Variants in ROCK1 observed in about 807,000 individuals in gnomAD.
The protein encoded by ROCK1 is rho-associated protein kinase 1.
In ROCK1, 36 loss-of-function variants were observed where a neutral mutation model predicts 196.8. The ratio of observed to expected loss-of-function variants is 0.18; its 90% CI spans 0.14 to 0.24. The LOEUF is 0.24. Among genes scored for constraint, ROCK1 ranks in the 10% least tolerant of loss-of-function variants. The pLI is 1.00. For synonymous variants in ROCK1, 443 were observed against 515.9 expected (o/e 0.86, Z 1.91); for missense variants, 920 against 1,562.0 (o/e 0.59, Z 6.93).
At chr18:21,049,984 A>C (rs1387846678) in intron 2 of ROCK1, 104 bp from the exon 3 acceptor site, 1 of 534,554 alleles carries the variant, frequency 1.9e-6, no homozygotes, top group African/African-American at 2.0e-5. Context: ...AAAACAACAA[A>C]CTTCATGAAG....
rs868384460 is a variant in ROCK1, at chr18:20,959,906, T to G, written c.3446A>C (p.Lys1149Thr). 6.2e-7 allele frequency: 1 copy of G among 1,608,440 alleles called. No individual in the cohort carries two copies. The highest frequency in any genetic ancestry group is 8.5e-7 in the Non-Finnish European group (1 of 1,175,742). Reference protein sequence around the residue: ...KKQYVVVSSKKILFYNDEQDK... With the variant: ...KKQYVVVSSKTILFYNDEQDK... ...TTGTTCGTCATTATAGAACAAAATTTTTTTGCTGCTTACCACAACATACTG... is the reference window on the plus strand; with the variant it reads ...TTGTTCGTCATTATAGAACAAAATTGTTTTGCTGCTTACCACAACATACTG... The change falls in exon 29 of 33, where the codon AAA becomes ACA. Residue 1149 changes from lysine (K) to threonine (T), a missense_variant. Transcript: ENST00000399799.
intron 16 of ROCK1, among the ~76,000 whole-genome samples, chr18:20,999,872 T>C (rs2035707757): frequency 6.6e-6 from 1 of 152,198 alleles, no homozygotes; most frequent in Admixed American, 6.5e-5. Flanking sequence ...GTGATCTGCC[T>C]ACCTTGGCTT....
At chr18:21,025,614 G>A (rs2035949060) in intron 10 of ROCK1, among the ~76,000 whole-genome samples, 1 of 152,156 alleles carries the variant, frequency 6.6e-6, no homozygotes, top group Non-Finnish European at 1.5e-5. Flanking sequence ...GTACGCACCT[G>A]TAATCCCAGC....
chr18:20,952,971 C>T (rs1384925661), intron 32 of ROCK1, among the ~76,000 whole-genome samples: 2 of 151,836 alleles, frequency 1.3e-5, no homozygotes, highest in Admixed American at 6.6e-5. Context: ...CAGGGCCTGT[C>T]GAGGGATGGG....
chr18:21,023,205 C>A (rs188551485), intron 11 of ROCK1, among the ~76,000 whole-genome samples: 57 of 152,106 alleles, frequency 3.7e-4, no homozygotes, highest in Non-Finnish European at 7.5e-4. Context: ...GTGCTTAATG[C>A]CACCGAACTG....
chr18:20,967,880 C>G lies in ROCK1; in HGVS notation c.3064G>C (p.Ala1022Pro), dbSNP rs1480981364. 2 of 1,596,562 alleles carry G rather than the reference C, an allele frequency of 1.3e-6. No individual in the cohort carries two copies. Among genetic ancestry groups the G allele is most frequent in the African/African-American group, 1.3e-5 (1 of 74,266 alleles). ...TTCTTTCTCAAATCTTGTGTATTAGCTTTCTTTCTATCAATTTTAAAATCT... is the reference window on the plus strand; with the variant it reads ...TTCTTTCTCAAATCTTGTGTATTAGGTTTCTTTCTATCAATTTTAAAATCT... ...RKDFKIDRKK[A>P]NTQDLRKKEK... The change falls in exon 26 of 33, where the codon GCT becomes CCT. Residue 1022 changes from alanine (A) to proline (P), a missense_variant. Physicochemically the swap from Ala to Pro is conservative, Grantham distance 27 (BLOSUM62 -1). Coordinates refer to ENST00000399799, the MANE Select transcript of ROCK1 (RefSeq NM_005406.3).
rs925279691 is a variant in ROCK1, at chr18:20,951,383, G to T, written c.*1C>A. 2 of 1,597,410 alleles carry T rather than the reference G, an allele frequency of 1.3e-6. No homozygotes were observed. The highest frequency in any genetic ancestry group is 1.7e-6 in the Non-Finnish European group (2 of 1,171,260). On this transcript the variant is annotated 3_prime_UTR_variant, in exon 33 of 33. Coordinates refer to ENST00000399799, the MANE Select transcript of ROCK1 (RefSeq NM_005406.3). Reference sequence around the variant, plus strand: ...ATTCCACAGGGCACTCAGTCACATGGTTAACTGTTGAGGGAGGGGGAAAAA... The same window carrying T: ...ATTCCACAGGGCACTCAGTCACATGTTTAACTGTTGAGGGAGGGGGAAAAA...
intron 5 of ROCK1, 168 bp downstream of exon 5, chr18:21,045,124 G>A (rs181094967): frequency 4.2e-6 from 2 of 474,882 alleles, no homozygotes; most frequent in Non-Finnish European, 7.1e-6. Context: ...GCCTCCCAAA[G>A]CTCTGGGATT....
At chr18:21,000,379 C>A (rs1413387804) in intron 16 of ROCK1, among the ~76,000 whole-genome samples, 1 of 152,124 alleles carries the variant, frequency 6.6e-6, no homozygotes, top group East Asian at 1.9e-4. Context: ...CCTCCGGCCT[C>A]AGTCCCCCAA....
At chr18:21,004,898 C>T (rs1202817006) in intron 16 of ROCK1, among the ~76,000 whole-genome samples, 1 of 152,140 alleles carries the variant, frequency 6.6e-6, no homozygotes, top group East Asian at 1.9e-4. Flanking sequence ...CACAACACTC[C>T]TCAGCTAAGA....
chr18:21,086,812 T>C (rs1598558178), intron 1 of ROCK1, among the ~76,000 whole-genome samples: 1 of 148,854 alleles, frequency 6.7e-6, no homozygotes, highest in Non-Finnish European at 1.5e-5. Flanking sequence ...AACCAAGAGA[T>C]TTGTCACAAG....
At chr18:21,038,170 G>A (rs1427311847) in intron 9 of ROCK1, among the ~76,000 whole-genome samples, 2 of 152,088 alleles carry the variant, frequency 1.3e-5, no homozygotes, top group Non-Finnish European at 2.9e-5. Context: ...GTGTTTTGAT[G>A]TAACCATTTC....
intron 12 of ROCK1, among the ~76,000 whole-genome samples, chr18:21,018,583 A>T (rs1402464461): frequency 6.6e-6 from 1 of 152,024 alleles, no homozygotes; most frequent in African/African-American, 2.4e-5. Flanking sequence ...TTTATATAAC[A>T]GTATCTACCC....
At chr18:21,045,501 C>G (rs562977995) in intron 4 of ROCK1, 34 bp from the exon 5 acceptor site, 3 of 1,461,756 alleles carry the variant, frequency 2.1e-6, no homozygotes, top group Non-Finnish European at 1.8e-6. Flanking sequence ...AAAACACATT[C>G]ATTAATGTTA....
At chr18:21,091,441 A>G (rs2036569378) in intron 1 of ROCK1, among the ~76,000 whole-genome samples, 1 of 151,896 alleles carries the variant, frequency 6.6e-6, no homozygotes, top group Admixed American at 6.6e-5. Context: ...CGTCTCTACT[A>G]AAAATACAAA....
At chr18:20,974,146 G>A (rs1375518363) in intron 22 of ROCK1, among the ~76,000 whole-genome samples, 1 of 152,154 alleles carries the variant, frequency 6.6e-6, no homozygotes, top group African/African-American at 2.4e-5. Flanking sequence ...CTACTCTGAT[G>A]CAGACAAGTT....
chr18:21,088,141 T>C (rs2143580129), intron 1 of ROCK1, among the ~76,000 whole-genome samples: 1 of 152,298 alleles, frequency 6.6e-6, no homozygotes, highest in South Asian at 2.1e-4. Context: ...ACACTGGAAT[T>C]TGTGGAATAC....
intron 18 of ROCK1, among the ~76,000 whole-genome samples, chr18:20,987,535 G>A (rs1452316796): frequency 6.6e-6 from 1 of 152,126 alleles, no homozygotes; most frequent in Non-Finnish European, 1.5e-5. Context: ...GCTATGGTAG[G>A]AACTCCAATT....
intron 23 of ROCK1, 33 bp from the exon 24 acceptor site, chr18:20,969,241 C>A: frequency 3.0e-6 from 4 of 1,335,000 alleles, no homozygotes; most frequent in Non-Finnish European, 3.2e-6. Flanking sequence ...TAAGCTCCAG[C>A]CTCTTTGCTA....
Sources: gnomAD v4.1 joint callset for allele counts (sites outside exome capture counted in the v4.1 genomes callset) on GRCh38, gnomAD v4.1.1 for gene constraint, MANE v1.5 for transcripts, NCBI Gene and HGNC (gene_info 2026-07-23, HGNC 2026-07-21) for gene names.